The following PHACTR3 variants were observed in gnomAD, a reference collection of about 807,000 sequenced individuals.
PHACTR3 encodes the protein protein phosphatase 1, regulatory subunit 123.
PHACTR3 carries 16 observed loss-of-function variants against 66.8 expected under a neutral mutation model. That is an observed-to-expected ratio of 0.24 (90% CI 0.16 to 0.36). PHACTR3 has a LOEUF of 0.36. Ranked by LOEUF, PHACTR3 falls within the 10% of genes least tolerant of loss-of-function variation. PHACTR3 has a pLI of 1.00. For missense variants in PHACTR3, 647 were observed against 719.9 expected, an observed-to-expected ratio of 0.90 and a Z score of 1.16; for synonymous variants, 323 against 292.1, an observed-to-expected ratio of 1.11 and a Z score of -1.08.
chr20:59,799,335 T>C (rs2041346935), intron 7 of PHACTR3, among the ~76,000 whole-genome samples: 2 of 152,146 alleles, frequency 1.3e-5, no homozygotes, highest in Admixed American at 1.3e-4. Context: ...GCCTTACAAG[T>C]TTTCTATTTA....
At chr20:59,788,399 A>C (rs1038369143) in intron 7 of PHACTR3, among the ~76,000 whole-genome samples, 4 of 151,728 alleles carry the variant, frequency 2.6e-5, no homozygotes, top group African/African-American at 7.3e-5. Flanking sequence ...GATGCCCCCC[A>C]CGCCTGGCAG....
chr20:59,688,306 G>C (rs777970492), intron 1 of PHACTR3, among the ~76,000 whole-genome samples: 1 of 152,208 alleles, frequency 6.6e-6, no homozygotes, highest in Admixed American at 6.5e-5. Flanking sequence ...AGGCAGGATA[G>C]AGGAGTGAGA....
chr20:59,824,155 C>T (rs2042122121), intron 8 of PHACTR3, among the ~76,000 whole-genome samples: 1 of 152,174 alleles, frequency 6.6e-6, no homozygotes, highest in African/African-American at 2.4e-5. Context: ...GATCACGGCC[C>T]TTGGTCACAT....
rs5842274 is a variant in PHACTR3 at position 59,606,303 on chromosome 20, TCCC to T, written c.118+1178_118+1180del. 1.3e-3 allele frequency among the ~76,000 whole-genome samples: 192 copies of T among 151,152 alleles called. 1 individual carries two copies. The highest frequency in any genetic ancestry group is 4.5e-3 in the African/African-American group (184 of 41,178). ...GGCAGCTGTGTGGGCACTGGATCCC[TCCC>T]CCCCCCATTTGAAAATTTAAACAAT... On this transcript the variant is annotated intron_variant, in intron 1 of 12. Transcript: ENST00000371015.
rs1490009018 is a variant in PHACTR3, at chr20:59,847,575, TTCA to T, written c.*447_*449del. The T allele has an allele frequency of 6.4e-6, 1 of 155,130 alleles. No homozygotes were observed. Among genetic ancestry groups the T allele is most frequent in the African/African-American group, 2.4e-5 (1 of 41,576 alleles). The allele number at this position is 155,130 out of a possible 1,614,324, so 9.6% of individuals were successfully genotyped here. A position where few individuals can be genotyped will look rare whatever the true frequency, so the allele number is the denominator to read the frequency against. The stretch of plus-strand genomic sequence containing the variant: ...ATAATTAATTTGAAAACTCTTTAAG[TTCA>T]TGTTATACAAGATGATTTACTGTAT... On this transcript the variant is annotated 3_prime_UTR_variant, in exon 13 of 13. Coordinates refer to ENST00000371015, the MANE Select transcript of PHACTR3 (RefSeq NM_080672.5).
At chr20:59,721,948 G>A in intron 1 of PHACTR3, among the ~76,000 whole-genome samples, 1 of 151,392 alleles carries the variant, frequency 6.6e-6, no homozygotes, top group East Asian at 1.9e-4. Context: ...GTAAAACAAG[G>A]GCCCAGTCAG....
At chr20:59,693,214 A>G (rs1481760431) in intron 1 of PHACTR3, among the ~76,000 whole-genome samples, 1 of 152,172 alleles carries the variant, frequency 6.6e-6, no homozygotes, top group Non-Finnish European at 1.5e-5. Context: ...GGCGTCTGGC[A>G]CAGACGTCCT....
intron 7 of PHACTR3, among the ~76,000 whole-genome samples, chr20:59,801,934 T>G (rs1169479396): frequency 6.6e-6 from 1 of 152,226 alleles, no homozygotes; most frequent in Non-Finnish European, 1.5e-5. Context: ...TCCTCATCTT[T>G]GCTCTTCAGT....
Position 59,846,922 on chromosome 20 carries a change from C to T in PHACTR3, c.1665-193C>T, listed in dbSNP as rs993590904. Among the ~76,000 whole-genome samples the T allele has an allele frequency of 3.3e-5, 5 of 152,278 alleles. No individual in the cohort carries two copies. The South Asian group carries it at 8.3e-4, about 25-fold the overall frequency. On this transcript the variant is annotated intron_variant, in intron 12 of 12. Transcript: ENST00000371015. Reference sequence around the variant, plus strand: ...ATAGTCCTAAGAATTCAGCATATAACAGGGGCCTGAGAGTGGGGAGCCCTC... The same window carrying T: ...ATAGTCCTAAGAATTCAGCATATAATAGGGGCCTGAGAGTGGGGAGCCCTC...
At chr20:59,590,526 TTTATTCTTTTCTTC>T (rs2033152283) in intron 1 of PHACTR3, among the ~76,000 whole-genome samples, 3 of 152,130 alleles carry the variant, frequency 2.0e-5, no homozygotes, top group African/African-American at 7.2e-5. Context: ...TGTTTGTTTG[TTTATTCTTTTCTTC>T]ACTGGGGTCA....
chr20:59,828,420 G>A (rs1338905425), intron 8 of PHACTR3, among the ~76,000 whole-genome samples: 6 of 152,226 alleles, frequency 3.9e-5, no homozygotes, highest in African/African-American at 1.2e-4. Flanking sequence ...GCCATGCCTG[G>A]CACTTACTTA....
intron 1 of PHACTR3, among the ~76,000 whole-genome samples, chr20:59,583,158 A>G (rs957069951): frequency 6.6e-6 from 1 of 151,934 alleles, no homozygotes; most frequent in African/African-American, 2.4e-5. Context: ...TATTTTTCTT[A>G]TCTACTATAA....
chr20:59,655,923 T>C (rs1178510990), intron 1 of PHACTR3, among the ~76,000 whole-genome samples: 1 of 151,964 alleles, frequency 6.6e-6, no homozygotes, highest in Non-Finnish European at 1.5e-5. Flanking sequence ...TAGGGCCATA[T>C]TGTTTAATTT....
At chr20:59,673,400 C>T (rs1032455061) in intron 1 of PHACTR3, among the ~76,000 whole-genome samples, 2 of 152,238 alleles carry the variant, frequency 1.3e-5, no homozygotes, top group African/African-American at 4.8e-5. Flanking sequence ...TGCAGGATCT[C>T]TTCCTGATGG....
intron 8 of PHACTR3, among the ~76,000 whole-genome samples, chr20:59,822,012 T>C (rs1486393695): frequency 1.7e-5 from 1 of 57,510 alleles, no homozygotes; most frequent in Non-Finnish European, 3.6e-5. Context: ...TCCCACCCCT[T>C]CCCCAGCGAT....
At position 59,781,166 on chromosome 20, in the gene PHACTR3, C is replaced by T. The variant is rs751698574; in HGVS notation, c.1174+6676C>T. The stretch of plus-strand genomic sequence containing the variant: ...CCGCTGCATAGGTACATCTGTTCTC[C>T]ATCCAGACATGCAGTTACATGTGTT... On this transcript the variant is annotated intron_variant, in intron 7 of 12. Transcript: ENST00000371015. Among the ~76,000 whole-genome samples, 47 of 152,224 alleles carry T rather than the reference C, an allele frequency of 3.1e-4. 1 individual carries two copies. Among genetic ancestry groups the T allele is most frequent in the South Asian group, 2.1e-4 (1 of 4,834 alleles).
chr20:59,678,528 G>A (rs7273796), intron 1 of PHACTR3, among the ~76,000 whole-genome samples: 39,457 of 151,904 alleles, frequency 0.26, 5,794 homozygotes, highest in African/African-American at 0.39. Flanking sequence ...TTGATGATCC[G>A]AAGCTCTTGG....
chr20:59,678,205 C>A (rs183272265), intron 1 of PHACTR3, among the ~76,000 whole-genome samples: 2 of 152,236 alleles, frequency 1.3e-5, no homozygotes, highest in African/African-American at 4.8e-5. Flanking sequence ...AGCTGTTGAG[C>A]CCTGAGTCTA....
intron 1 of PHACTR3, among the ~76,000 whole-genome samples, chr20:59,636,713 CATA>C (rs2034913053): frequency 6.6e-6 from 1 of 152,146 alleles, no homozygotes; most frequent in South Asian, 2.1e-4. Context: ...AAGGCCCTGG[CATA>C]ATTCCTATAC....
Sources: allele counts gnomAD v4.1 joint callset (sites outside exome capture counted in the v4.1 genomes callset), GRCh38; gene constraint gnomAD v4.1.1; transcripts MANE v1.5; gene names NCBI Gene and HGNC (gene_info 2026-07-23, HGNC 2026-07-21).